The following DOCK3 variants were observed in gnomAD, a reference collection of about 807,000 sequenced individuals.
The protein encoded by DOCK3 is dedicator of cytokinesis 3.
DOCK3 carries 60 observed loss-of-function variants against 265.6 expected under a neutral mutation model. The ratio of observed to expected loss-of-function variants is 0.23; its 90% CI spans 0.18 to 0.28. DOCK3 has a LOEUF of 0.28. DOCK3 is among the 10% of genes least tolerant of loss of function. The probability of loss-of-function intolerance (pLI) is 1.00; values close to 1 mark genes in which losing one functional copy is unlikely to be tolerated. For synonymous variants in DOCK3, 881 were observed against 938.0 expected (o/e 0.94, Z 1.11); for missense variants, 1,981 against 2,594.3 (o/e 0.76, Z 5.14).
chr3:50,759,160 A>G (rs1048866392), intron 1 of DOCK3, among the ~76,000 whole-genome samples: 3 of 152,172 alleles, frequency 2.0e-5, no homozygotes, highest in African/African-American at 7.2e-5. Context: ...TTAATATCAA[A>G]TTAAAATTAA....
intron 3 of DOCK3, among the ~76,000 whole-genome samples, chr3:50,842,280 A>C (rs773759810): frequency 6.6e-6 from 1 of 152,170 alleles, no homozygotes; most frequent in Non-Finnish European, 1.5e-5. Context: ...TTCTTTCTGC[A>C]TATTTTTTCA....
intron 9 of DOCK3, among the ~76,000 whole-genome samples, chr3:51,138,900 T>C (rs1230976964): frequency 6.6e-6 from 1 of 152,208 alleles, no homozygotes; most frequent in African/African-American, 2.4e-5. Flanking sequence ...ATATGCATGG[T>C]ATACATATTA....
intron 2 of DOCK3, among the ~76,000 whole-genome samples, chr3:50,800,525 G>A (rs1484598913): frequency 6.6e-6 from 1 of 151,858 alleles, no homozygotes; most frequent in African/African-American, 2.4e-5. Flanking sequence ...CTCCTGTTGT[G>A]CTGTCTCATT....
intron 3 of DOCK3, among the ~76,000 whole-genome samples, chr3:50,867,870 A>G (rs1344224227): frequency 6.6e-6 from 1 of 152,046 alleles, no homozygotes; most frequent in Non-Finnish European, 1.5e-5. Context: ...TATCAGAGAT[A>G]TTGGCCTGTA....
chr3:50,702,349 A>G (rs894804545), intron 1 of DOCK3, among the ~76,000 whole-genome samples: 9 of 151,772 alleles, frequency 5.9e-5, no homozygotes, highest in African/African-American at 2.2e-4. Context: ...CATTAGTGGC[A>G]TATAGAAATG....
intron 1 of DOCK3, among the ~76,000 whole-genome samples, chr3:50,750,114 G>A (rs1055592690): frequency 6.6e-6 from 1 of 152,106 alleles, no homozygotes; most frequent in African/African-American, 2.4e-5. Context: ...AAACCCTATT[G>A]TGAACTGTGT....
Position 51,381,053 on chromosome 3 carries a change from C to G in DOCK3, c.5587C>G (p.Pro1863Ala), listed in dbSNP as rs374117078. The change falls in exon 53 of 53, where the codon CCT (proline) becomes GCT (alanine). Residue 1863 changes from proline (P) to alanine (A), a missense_variant. Pro to Ala is a conservative substitution (Grantham distance 27). Around this residue, in one of 4 missense-constraint regions of DOCK3, gnomAD observed 1,357 missense variants for 1,866.8 expected, o/e 0.73. Coordinates refer to ENST00000266037, the MANE Select transcript of DOCK3 (RefSeq NM_004947.5). The surrounding 1 kb of genome is among the most constrained non-coding windows in gnomAD (Gnocchi z 5.6). ...ALPARTLRKS[P>A]LHPIPASPTS... ...ATGCCCACCCTTTCCTTCGCAGTCT[C>G]CTCTCCACCCTATCCCAGCCTCCCC... 3 of 1,593,422 alleles carry G rather than the reference C, an allele frequency of 1.9e-6. No individual in the cohort carries two copies. The highest frequency in any genetic ancestry group is 2.6e-6 in the Non-Finnish European group (3 of 1,167,442).
intron 4 of DOCK3, among the ~76,000 whole-genome samples, chr3:50,920,073 A>G (rs1473181647): frequency 6.6e-6 from 1 of 152,140 alleles, no homozygotes; most frequent in Non-Finnish European, 1.5e-5. Flanking sequence ...CATATGTTGA[A>G]CCAGCCTTGC....
chr3:51,095,437 A>G (rs1033344573), intron 9 of DOCK3, among the ~76,000 whole-genome samples: 12 of 152,260 alleles, frequency 7.9e-5, no homozygotes, highest in Admixed American at 3.9e-4. Flanking sequence ...GTGGCTGGAT[A>G]TAAAATTCTG....
At chr3:51,186,183 G>A (rs989766553) in intron 12 of DOCK3, among the ~76,000 whole-genome samples, 9 of 152,208 alleles carry the variant, frequency 5.9e-5, no homozygotes, top group Non-Finnish European at 1.3e-4. Context: ...ATAAGGTCCA[G>A]GCTGAGTTGG....
At chr3:50,906,051 A>G (rs916486030) in intron 4 of DOCK3, among the ~76,000 whole-genome samples, 1 of 151,942 alleles carries the variant, frequency 6.6e-6, no homozygotes, top group Admixed American at 6.6e-5. Context: ...TTCTGTTTAT[A>G]TGCTGGATTA....
In DOCK3 at chr3:51,381,145, G is replaced by C. The variant is rs782359326; in HGVS notation, c.5679G>C (p.Val1893=). 6.2e-6 allele frequency: 10 copies of C among 1,613,770 alleles called. No individual in the cohort carries two copies. The South Asian group carries it at 1.1e-4, about 18-fold the overall frequency. The change falls in exon 53 of 53, where the codon GTG becomes GTC. Residue 1893 remains valine, a synonymous_variant. Transcript: ENST00000266037. This position sits in a 1 kb window ranked among gnomAD's most constrained non-coding sequence, Gnocchi z 5.6. ...STLSGSASSG[V]SSLSESNFGH... ...TGTCCGGCAGTGCCAGCAGCGGCGT[G>C]TCCTCCTTGAGTGAGAGTAACTTTG...
At chr3:50,758,205 A>AAG (rs2040305191) in intron 1 of DOCK3, among the ~76,000 whole-genome samples, 1 of 149,794 alleles carries the variant, frequency 6.7e-6, no homozygotes, top group South Asian at 2.1e-4. Context: ...AAGAAAAAAA[A>AAG]AAAGAAAATT....
At chr3:50,767,888 A>G (rs1280867870) in intron 1 of DOCK3, among the ~76,000 whole-genome samples, 3 of 129,914 alleles carry the variant, frequency 2.3e-5, no homozygotes, top group Non-Finnish European at 4.8e-5. Flanking sequence ...GCAGTTGTGA[A>G]TGGGAGTTCA....
intron 22 of DOCK3, among the ~76,000 whole-genome samples, chr3:51,252,144 T>G (rs2079282511): frequency 6.6e-6 from 1 of 152,246 alleles, no homozygotes; most frequent in Non-Finnish European, 1.5e-5. Context: ...CTTGTTTTTG[T>G]CAGGTTTGTC....
At chr3:50,841,475 AAT>A (rs1352901180) in intron 2 of DOCK3, among the ~76,000 whole-genome samples, 198 bp from the exon 3 acceptor site, 1 of 152,094 alleles carries the variant, frequency 6.6e-6, no homozygotes, top group East Asian at 1.9e-4. Flanking sequence ...TATGCCTTGT[AAT>A]GAAAATTAGA....
At chr3:51,349,612 T>C (rs988397720) in intron 39 of DOCK3, among the ~76,000 whole-genome samples, 1 of 152,238 alleles carries the variant, frequency 6.6e-6, no homozygotes, top group South Asian at 2.1e-4. Context: ...GAATGCATTA[T>C]AGCTATCTTC....
chr3:50,961,486 T>C lies in DOCK3; in HGVS notation c.315+27409T>C, dbSNP rs550972213. Among the ~76,000 whole-genome samples, 3 of 152,184 alleles carry C rather than the reference T, an allele frequency of 2.0e-5. No homozygotes were observed. In the East Asian group the frequency reaches 5.8e-4, roughly 29 times the overall value. On this transcript the variant is annotated intron_variant, in intron 5 of 52. Coordinates refer to ENST00000266037, the MANE Select transcript of DOCK3 (RefSeq NM_004947.5). ...CTTTTGAGTAGAGTCCTGAAGAAGA[T>C]GAGGAGTTGAAACTTGGTGATATCT...
At chr3:50,908,150 CA>C (rs1425973474) in intron 4 of DOCK3, among the ~76,000 whole-genome samples, 3 of 144,040 alleles carry the variant, frequency 2.1e-5, no homozygotes, top group African/African-American at 2.6e-5. Flanking sequence ...TTAATTTTTT[CA>C]AAAAACCATC....
Sources: allele counts gnomAD v4.1 joint callset (sites outside exome capture counted in the v4.1 genomes callset), GRCh38; gene constraint gnomAD v4.1.1; regional missense constraint gnomAD v4.1.1; non-coding constraint Gnocchi (gnomAD v3.1); transcripts MANE v1.5; gene names NCBI Gene and HGNC (gene_info 2026-07-23, HGNC 2026-07-21).